Variants in SKAP1 observed in about 807,000 individuals in gnomAD.
SKAP1 encodes the protein src kinase associated phosphoprotein 1.
Under a neutral mutation model 58.5 loss-of-function variants are expected in SKAP1, and 44 were observed. That is an observed-to-expected ratio of 0.75 (90% CI 0.59 to 0.97). SKAP1 has a LOEUF of 0.97. Ranked by LOEUF, SKAP1 falls within the 50% of genes least tolerant of loss-of-function variation. SKAP1 has a pLI of 0.00. For missense variants in SKAP1, 390 were observed against 435.2 expected, an observed-to-expected ratio of 0.90 and a Z score of 0.92; for synonymous variants, 127 against 149.7, an observed-to-expected ratio of 0.85 and a Z score of 1.11.
chr17:48,245,572 A>G (rs2065287225), intron 4 of SKAP1, among the ~76,000 whole-genome samples: 1 of 152,232 alleles, frequency 6.6e-6, no homozygotes, highest in African/African-American at 2.4e-5. Context: ...TAAGTTTTCT[A>G]TGGTAGTTAT....
intron 4 of SKAP1, among the ~76,000 whole-genome samples, chr17:48,234,742 CAAAT>C (rs1033914815): frequency 5.3e-5 from 8 of 151,720 alleles, no homozygotes; most frequent in Admixed American, 1.3e-4. Context: ...GAAAGACAGT[CAAAT>C]AAATAACCAC....
At chr17:48,146,385 C>T (rs548706714) in intron 11 of SKAP1, among the ~76,000 whole-genome samples, 3 of 151,562 alleles carry the variant, frequency 2.0e-5, no homozygotes, top group South Asian at 2.1e-4. Flanking sequence ...CCCGGCTACT[C>T]GGGAGGCTAA....
At chr17:48,287,876 A>G (rs2065851202) in intron 4 of SKAP1, among the ~76,000 whole-genome samples, 1 of 152,216 alleles carries the variant, frequency 6.6e-6, no homozygotes, top group African/African-American at 2.4e-5. Flanking sequence ...TAAATATTTG[A>G]CACAGTTAAC....
the SKAP1 span, among the ~76,000 whole-genome samples, chr17:48,439,525 T>C: frequency 6.6e-6 from 1 of 152,354 alleles, no homozygotes; most frequent in South Asian, 2.1e-4. Context: ...GCACTTGTGT[T>C]CTTTTCTTAC....
chr17:48,368,559 ATCT>A (rs1286808308), intron 2 of SKAP1, among the ~76,000 whole-genome samples: 2 of 152,214 alleles, frequency 1.3e-5, no homozygotes, highest in African/African-American at 2.4e-5. Context: ...CACTTCTTTA[ATCT>A]TCTCTTTGAA....
chr17:48,229,714 C>T (rs2065107371), intron 4 of SKAP1, among the ~76,000 whole-genome samples: 2 of 151,886 alleles, frequency 1.3e-5, no homozygotes, highest in Admixed American at 1.3e-4. Flanking sequence ...CTTTTTTCTC[C>T]TTAATCTTGA....
intron 4 of SKAP1, among the ~76,000 whole-genome samples, chr17:48,255,934 A>T (rs1188398714): frequency 6.6e-6 from 1 of 152,152 alleles, no homozygotes; most frequent in Non-Finnish European, 1.5e-5. Flanking sequence ...ATATTTACTA[A>T]ATCACTACCG....
intron 2 of SKAP1, among the ~76,000 whole-genome samples, chr17:48,385,930 G>A (rs1273785938): frequency 6.6e-6 from 1 of 152,168 alleles, no homozygotes; most frequent in Non-Finnish European, 1.5e-5. Flanking sequence ...CAAATGTAGA[G>A]GGCTGTCGAT....
At chr17:48,238,147 C>T (rs2065202512) in intron 4 of SKAP1, among the ~76,000 whole-genome samples, 2 of 151,990 alleles carry the variant, frequency 1.3e-5, no homozygotes, top group African/African-American at 4.8e-5. Flanking sequence ...GCGCATGCCA[C>T]CACATCCGGC....
At chr17:48,202,679 C>A (rs1240104700) in intron 4 of SKAP1, among the ~76,000 whole-genome samples, 1 of 151,914 alleles carries the variant, frequency 6.6e-6, no homozygotes, top group South Asian at 2.1e-4. Flanking sequence ...CAAAATTTTC[C>A]AACCAAATCA....
At chr17:48,377,993 C>T (rs762040905) in intron 2 of SKAP1, among the ~76,000 whole-genome samples, 3 of 152,174 alleles carry the variant, frequency 2.0e-5, no homozygotes, top group Non-Finnish European at 1.5e-5. Context: ...TTACTATCCA[C>T]CCAGCTGAAA....
chr17:48,410,011 T>C (rs2067641835), intron 1 of SKAP1, among the ~76,000 whole-genome samples: 2 of 152,210 alleles, frequency 1.3e-5, no homozygotes, highest in African/African-American at 4.8e-5. Context: ...TAAGTAGCTT[T>C]GGAAATGAGC....
rs2063675516 is a variant in SKAP1 at position 48,134,563 on chromosome 17, C to T, written c.*8-747G>A. ...GAACTCCTGACCTCGTTATCTGCTCCCCTTGGCCTCCCAAAGTGCTGGGAT... is the reference window on the plus strand; with the variant it reads ...GAACTCCTGACCTCGTTATCTGCTCTCCTTGGCCTCCCAAAGTGCTGGGAT... On this transcript the variant is annotated intron_variant, in intron 12 of 12. Coordinates refer to ENST00000336915, the MANE Select transcript of SKAP1 (RefSeq NM_003726.4). Among the ~76,000 whole-genome samples, 3 of 151,868 alleles carry T rather than the reference C, an allele frequency of 2.0e-5. No homozygotes were observed. In the South Asian group the frequency reaches 6.2e-4, roughly 32 times the overall value.
At chr17:48,273,090 T>G (rs984076865) in intron 4 of SKAP1, among the ~76,000 whole-genome samples, 2 of 152,210 alleles carry the variant, frequency 1.3e-5, no homozygotes, top group Admixed American at 1.3e-4. Context: ...AGCTTCTCTA[T>G]GTAAAGATGT....
Position 48,184,259 on chromosome 17 carries a change from T to C in SKAP1, c.567+464A>G, listed in dbSNP as rs2064413715. On this transcript the variant is annotated intron_variant, in intron 7 of 12. Transcript: ENST00000336915. Reference sequence around the variant, plus strand: ...AATCCTTCCAGAGATATGCAAAGCATCTACACACAGGAAGATTATTTTGGA... The same window carrying C: ...AATCCTTCCAGAGATATGCAAAGCACCTACACACAGGAAGATTATTTTGGA... 3.9e-5 allele frequency among the ~76,000 whole-genome samples: 6 copies of C among 152,184 alleles called. No individual in the cohort carries two copies. The South Asian group carries it at 1.2e-3, about 32-fold the overall frequency.
intron 4 of SKAP1, among the ~76,000 whole-genome samples, chr17:48,231,626 A>G (rs2065127086): frequency 6.6e-6 from 1 of 152,114 alleles, no homozygotes; most frequent in Non-Finnish European, 1.5e-5. Context: ...CCATAGAAAT[A>G]GGGAGTAGTG....
chr17:48,141,961 T>G (rs2063772763), intron 11 of SKAP1, among the ~76,000 whole-genome samples: 1 of 152,164 alleles, frequency 6.6e-6, no homozygotes, highest in Non-Finnish European at 1.5e-5. Flanking sequence ...TCTGACTGTG[T>G]GGGGTCCCGG....
intron 8 of SKAP1, among the ~76,000 whole-genome samples, chr17:48,181,220 A>G (rs1411736322): frequency 7.2e-5 from 11 of 152,252 alleles, no homozygotes; most frequent in Non-Finnish European, 1.6e-4. Flanking sequence ...GATCAAAAAC[A>G]CATTTGTGGC....
Position 48,182,425 on chromosome 17 carries a change from GTC to G in SKAP1, c.598_599del (p.Asp200LeufsTer20). On this transcript the variant is annotated frameshift_variant, in exon 8 of 13. Coordinates refer to ENST00000336915, the MANE Select transcript of SKAP1 (RefSeq NM_003726.4). LOFTEE classifies it high-confidence loss of function. ...ACAAGAAACTTATTTGATCCACCCA[GTC>G]TCTGGCTTCTGCTGGACTAGTAGCT... ...FTATSPAEAR[D>X]WVDQISFLLK... 1 of 1,610,056 alleles carries G rather than the reference GTC, an allele frequency of 6.2e-7. No homozygotes were observed. Among genetic ancestry groups the G allele is most frequent in the South Asian group, 1.1e-5 (1 of 90,486 alleles).
Sources: gnomAD v4.1 joint callset for allele counts (sites outside exome capture counted in the v4.1 genomes callset) on GRCh38, gnomAD v4.1.1 for gene constraint, MANE v1.5 for transcripts, NCBI Gene and HGNC (gene_info 2026-07-23, HGNC 2026-07-21) for gene names.